UTRN: variants seen among roughly 807,000 people sequenced by gnomAD.
UTRN encodes the protein dystrophin-related protein 1.
In UTRN, 283 loss-of-function variants were observed where a neutral mutation model predicts 463.9. The ratio of observed to expected loss-of-function variants is 0.61; its 90% CI spans 0.55 to 0.67. The LOEUF (loss-of-function observed/expected upper bound fraction) is 0.67. UTRN is among the 30% of genes least tolerant of loss of function. The probability of loss-of-function intolerance (pLI) is 0.00; values close to 1 mark genes in which losing one functional copy is unlikely to be tolerated. For synonymous variants in UTRN, 1,442 were observed against 1,431.5 expected (o/e 1.01, Z -0.17); for missense variants, 3,922 against 4,084.3 (o/e 0.96, Z 1.08).
At chr6:144,486,153 T>C (rs1792425165) in intron 28 of UTRN, among the ~76,000 whole-genome samples, 1 of 152,190 alleles carries the variant, frequency 6.6e-6, no homozygotes, top group Non-Finnish European at 1.5e-5. Flanking sequence ...AGGGGGTAGA[T>C]AGGCTTTTAA....
At chr6:144,707,696 C>T (rs1303995547) in intron 53 of UTRN, among the ~76,000 whole-genome samples, 1 of 152,142 alleles carries the variant, frequency 6.6e-6, no homozygotes, top group Non-Finnish European at 1.5e-5. Flanking sequence ...TTGGTAGGCC[C>T]CACTTTCAGA....
At chr6:144,331,079 C>T (rs1266735991) in intron 2 of UTRN, 89 of 941,486 alleles carry the variant, frequency 9.5e-5, no homozygotes, top group Non-Finnish European at 1.1e-4. Context: ...TGAAAGGAAG[C>T]CGAGGCATGA....
intron 2 of UTRN, among the ~76,000 whole-genome samples, chr6:144,346,738 G>A (rs902206049): frequency 3.9e-5 from 6 of 151,978 alleles, no homozygotes; most frequent in Non-Finnish European, 8.8e-5. Flanking sequence ...CAAGAGAATC[G>A]CTTGAACCCG....
At chr6:144,347,837 G>GTTGTTTTTTTTTTTTTTTT (rs1777718717) in intron 2 of UTRN, among the ~76,000 whole-genome samples, 1 of 128,902 alleles carries the variant, frequency 7.8e-6, no homozygotes, top group African/African-American at 3.4e-5. Flanking sequence ...CTTATTCTTT[G>GTTGTTTTTTTTTTTTTTTT]TTTTTTTTTT....
chr6:144,502,117 G>GA (rs1256510850), intron 34 of UTRN, among the ~76,000 whole-genome samples: 2 of 141,534 alleles, frequency 1.4e-5, no homozygotes, highest in Admixed American at 1.4e-4. Context: ...TTTTTTTTTT[G>GA]AAAAAAAGTA....
chr6:144,779,553 G>A (rs576056231), intron 60 of UTRN, among the ~76,000 whole-genome samples: 1 of 152,258 alleles, frequency 6.6e-6, no homozygotes, highest in African/African-American at 2.4e-5. Context: ...CTTCATCCTT[G>A]TTGACTTCAT....
chr6:144,443,242 G>A (rs1417844554), intron 13 of UTRN, among the ~76,000 whole-genome samples: 1 of 152,136 alleles, frequency 6.6e-6, no homozygotes, highest in Non-Finnish European at 1.5e-5. Context: ...ATCACGTGAG[G>A]TCCTTTTGCT....
At chr6:144,790,341 A>G (rs1776656708) in intron 62 of UTRN, among the ~76,000 whole-genome samples, 1 of 152,228 alleles carries the variant, frequency 6.6e-6, no homozygotes, top group South Asian at 2.1e-4. Flanking sequence ...GAGAGATACT[A>G]AAAAACAATA....
chr6:144,359,401 C>A (rs986736148), intron 2 of UTRN, among the ~76,000 whole-genome samples: 2 of 152,294 alleles, frequency 1.3e-5, no homozygotes, highest in Non-Finnish European at 2.9e-5. Flanking sequence ...ATACTTGCTA[C>A]TATTATTATT....
chr6:144,453,247 T>C (rs777481041), intron 18 of UTRN, among the ~76,000 whole-genome samples: 16 of 152,026 alleles, frequency 1.1e-4, no homozygotes, highest in Non-Finnish European at 2.1e-4. Context: ...CTAAGCCTCC[T>C]GAGCAGCTGG....
At chr6:144,678,283 G>A (rs2128683398) in intron 51 of UTRN, 123 bp from the exon 52 acceptor site, 4 of 883,960 alleles carry the variant, frequency 4.5e-6, no homozygotes, top group South Asian at 2.6e-5. Flanking sequence ...AATTTTGGAA[G>A]CACTTGAATT....
At chr6:144,708,794 G>C (rs6570641) in intron 53 of UTRN, among the ~76,000 whole-genome samples, 77,970 of 152,052 alleles carry the variant, frequency 0.51, 24,977 homozygotes, top group East Asian at 0.88. Flanking sequence ...TTATAAGGAA[G>C]AGAGATTTAT....
intron 19 of UTRN, among the ~76,000 whole-genome samples, chr6:144,454,574 T>C (rs1420520092): frequency 6.6e-6 from 1 of 152,160 alleles, no homozygotes; most frequent in African/African-American, 2.4e-5. Context: ...TACAGATACC[T>C]ATACAGAATT....
chr6:144,813,823 G>A (rs7761905), intron 65 of UTRN, among the ~76,000 whole-genome samples: 16,840 of 152,210 alleles, frequency 0.11, 1,087 homozygotes, highest in South Asian at 0.18. Context: ...TTTGCCATGC[G>A]CAGAGGCTAG....
At chr6:144,752,070 ATT>A (rs1421387149) in intron 56 of UTRN, 118 bp downstream of exon 56, 1 of 1,053,918 alleles carries the variant, frequency 9.5e-7, no homozygotes, top group Non-Finnish European at 1.3e-6. Context: ...TTGATAATGA[ATT>A]TAGCATGTGA....
intron 66 of UTRN, among the ~76,000 whole-genome samples, chr6:144,824,645 G>A (rs1466525771): frequency 3.1e-5 from 3 of 96,398 alleles, no homozygotes; most frequent in African/African-American, 1.3e-4. Flanking sequence ...TTTGAGACGG[G>A]GTCCAGTTCT....
At chr6:144,411,686 G>T (rs775050557) in intron 3 of UTRN, among the ~76,000 whole-genome samples, 1 of 151,980 alleles carries the variant, frequency 6.6e-6, no homozygotes, top group Non-Finnish European at 1.5e-5. Context: ...TTACTGATTC[G>T]GAGTGTTCTC....
At position 144,836,322 on chromosome 6, in the gene UTRN, G is replaced by A. The variant is rs756228316; in HGVS notation, c.9846G>A (p.Glu3282=). The A allele has an allele frequency of 1.9e-5, 31 of 1,613,996 alleles. No homozygotes were observed. Among genetic ancestry groups the A allele is most frequent in the Non-Finnish European group, 2.6e-5 (31 of 1,179,994 alleles). ...EEQRNLQVEY[E]QLKDQHLRRG... ...TTAGAAATCTACAGGTGGAGTATGA[G>A]CAGCTGAAGGACCAGCACCTCCGAA... The change falls in exon 71 of 75, where the codon GAG becomes GAA. Residue 3282 remains glutamate, a synonymous_variant. Coordinates refer to ENST00000367545, the MANE Select transcript of UTRN (RefSeq NM_007124.3).
chr6:144,319,890 G>A (rs915697916), intron 2 of UTRN, among the ~76,000 whole-genome samples: 1 of 145,528 alleles, frequency 6.9e-6, no homozygotes, highest in Non-Finnish European at 1.5e-5. Context: ...GTCTTGTTCT[G>A]TCACCCAAGC....
Sources: allele counts gnomAD v4.1 joint callset (sites outside exome capture counted in the v4.1 genomes callset), GRCh38; gene constraint gnomAD v4.1.1; transcripts MANE v1.5; gene names NCBI Gene and HGNC (gene_info 2026-07-23, HGNC 2026-07-21).